SCAMP1: variants seen among roughly 807,000 people sequenced by gnomAD.
SCAMP1 encodes secretory carrier membrane protein 1.
Under a neutral mutation model 41.8 loss-of-function variants are expected in SCAMP1, and 15 were observed. The ratio of observed to expected loss-of-function variants is 0.36; its 90% CI spans 0.24 to 0.55. SCAMP1 has a LOEUF of 0.55. Among genes scored for constraint, SCAMP1 ranks in the 20% least tolerant of loss-of-function variants. The pLI is 0.86. For synonymous variants in SCAMP1, 135 were observed against 136.8 expected (o/e 0.99, Z 0.09); for missense variants, 341 against 412.6 (o/e 0.83, Z 1.50).
Position 78,478,248 on chromosome 5 carries a change from CAG to C in SCAMP1, c.*2583_*2584del. ...GTTTTGTATATTTATTGTATTAACA[CAG>C]AGTGTCATAAAATAAAATGCTGTTT... is the stretch of plus-strand genomic sequence containing the variant. On this transcript the variant is annotated 3_prime_UTR_variant, in exon 9 of 9. Transcript: ENST00000621999. The C allele has an allele frequency of 6.6e-6, 1 of 152,610 alleles. No homozygotes were observed. Among genetic ancestry groups the C allele is most frequent in the East Asian group, 1.9e-4 (1 of 5,190 alleles). 9.5% of individuals were successfully genotyped at this position (152,610 alleles called of 1,614,324 possible). A position where few individuals can be genotyped will look rare whatever the true frequency, so the allele number is the denominator to read the frequency against.
chr5:78,413,677 C>T (rs1752138467), intron 2 of SCAMP1, among the ~76,000 whole-genome samples: 1 of 152,192 alleles, frequency 6.6e-6, no homozygotes, highest in South Asian at 2.1e-4. Context: ...CTTGGCCTCC[C>T]AAAGTGCTGG....
chr5:78,363,916 G>C (rs1163691419), intron 1 of SCAMP1, among the ~76,000 whole-genome samples: 1 of 152,128 alleles, frequency 6.6e-6, no homozygotes, highest in East Asian at 1.9e-4. Flanking sequence ...AAGAAACTTG[G>C]AATAACTGGA....
intron 1 of SCAMP1, 77 bp from the exon 2 acceptor site, chr5:78,388,760 G>T: frequency 2.7e-6 from 2 of 742,674 alleles, no homozygotes; most frequent in Non-Finnish European, 4.5e-6. Flanking sequence ...TATAGATAAA[G>T]CAAATGGTAT....
At chr5:78,371,272 CAA>C (rs981257771) in intron 1 of SCAMP1, among the ~76,000 whole-genome samples, 3 of 152,118 alleles carry the variant, frequency 2.0e-5, no homozygotes, top group Admixed American at 1.3e-4. Context: ...ATGTTTTCTT[CAA>C]AGAGTTTTAT....
chr5:78,403,694 A>G (rs1751853864), intron 2 of SCAMP1, among the ~76,000 whole-genome samples: 1 of 152,130 alleles, frequency 6.6e-6, no homozygotes, highest in African/African-American at 2.4e-5. Context: ...AGCCTGGTGC[A>G]GTGGCTCACG....
chr5:78,360,739 G>A lies in SCAMP1; in HGVS notation c.57+11G>A, dbSNP rs370396974. The A allele has an allele frequency of 2.5e-6, 4 of 1,603,932 alleles. No individual in the cohort carries two copies. Among genetic ancestry groups the A allele is most frequent in the Admixed American group, 1.7e-5 (1 of 59,148 alleles). The stretch of plus-strand genomic sequence containing the variant: ...AACAATCCCTTCAAGGTGAGCTTCG[G>A]CCCCAGCATCTCCTGCCGCCGCGAC... On this transcript the variant is annotated intron_variant, in intron 1 of 8. Transcript: ENST00000621999.
In SCAMP1 at chr5:78,459,275, C is replaced by G. The variant is rs369489512; in HGVS notation, c.765C>G (p.Asn255Lys). Residue 255 changes from asparagine (N) to lysine (K), a missense_variant, in exon 8 of 9, where the codon AAC becomes AAG. Physicochemically the swap from Asn to Lys is moderately conservative, Grantham distance 94 (BLOSUM62 0). Transcript: ENST00000621999. ...CGWISSLTGL[N>K]QNIPVGIMMI... is the part of the protein sequence containing the mutation. ...GGATTTCATCCCTTACTGGTCTCAA[C>G]CAAAATATTCCTGTTGGAATCATGA... 3.1e-6 allele frequency: 5 copies of G among 1,602,626 alleles called. No homozygotes were observed. The highest frequency in any genetic ancestry group is 4.3e-6 in the Non-Finnish European group (5 of 1,170,762).
At chr5:78,378,742 A>G (rs1220315836) in intron 1 of SCAMP1, among the ~76,000 whole-genome samples, 3 of 152,366 alleles carry the variant, frequency 2.0e-5, no homozygotes, top group African/African-American at 4.8e-5. Flanking sequence ...TCAGATCCAC[A>G]TGATATTTAA....
intron 2 of SCAMP1, among the ~76,000 whole-genome samples, chr5:78,409,883 C>G (rs948312607): frequency 2.0e-5 from 3 of 152,034 alleles, no homozygotes; most frequent in African/African-American, 7.2e-5. Context: ...CTGTGTTTTT[C>G]CTGAAATATG....
In SCAMP1 at chr5:78,383,089, A is replaced by G. The variant is rs548818337; in HGVS notation, c.58-5748A>G. On this transcript the variant is annotated intron_variant, in intron 1 of 8. Coordinates refer to ENST00000621999, the MANE Select transcript of SCAMP1 (RefSeq NM_004866.6). ...AACAGTGTAAAAGTGTTCCCTTTTT[A>G]CCACATCCACACAAATATCTATTAT... Among the ~76,000 whole-genome samples the G allele has an allele frequency of 4.3e-4, 65 of 152,206 alleles. 1 individual carries two copies. Among genetic ancestry groups the G allele is most frequent in the African/African-American group, 1.5e-3 (61 of 41,532 alleles).
chr5:78,423,970 A>G (rs1561270246), intron 6 of SCAMP1, among the ~76,000 whole-genome samples: 1 of 151,614 alleles, frequency 6.6e-6, no homozygotes, highest in Non-Finnish European at 1.5e-5. Flanking sequence ...TCAGCCTCTC[A>G]GGTAGCTGGG....
intron 7 of SCAMP1, among the ~76,000 whole-genome samples, chr5:78,452,877 A>G (rs1358710275): frequency 6.7e-6 from 1 of 150,016 alleles, no homozygotes; most frequent in African/African-American, 2.5e-5. Flanking sequence ...AATGATCGCC[A>G]TTCTAACTGG....
chr5:78,400,873 A>G (rs1414870355), intron 2 of SCAMP1, among the ~76,000 whole-genome samples: 1 of 152,084 alleles, frequency 6.6e-6, no homozygotes, highest in East Asian at 1.9e-4. Context: ...CTTCTAGTAC[A>G]ATGTTGAAAA....
intron 1 of SCAMP1, among the ~76,000 whole-genome samples, chr5:78,384,976 A>AG (rs1030954285): frequency 3.9e-5 from 6 of 152,010 alleles, no homozygotes; most frequent in African/African-American, 1.2e-4. Context: ...AGAATGATTT[A>AG]GGGGGGGATT....
At chr5:78,405,484 A>C (rs1270722269) in intron 2 of SCAMP1, among the ~76,000 whole-genome samples, 1 of 152,134 alleles carries the variant, frequency 6.6e-6, no homozygotes, top group Non-Finnish European at 1.5e-5. Context: ...TCTTTGTTCA[A>C]ATATTGACTT....
rs1355509282 is a variant in SCAMP1, at chr5:78,456,310, C to T, written c.735-2935C>T. 7.9e-5 allele frequency among the ~76,000 whole-genome samples: 12 copies of T among 151,722 alleles called. 1 individual carries two copies. The highest frequency in any genetic ancestry group is 2.6e-4 in the Admixed American group (4 of 15,206). On this transcript the variant is annotated intron_variant, in intron 7 of 8. Coordinates refer to ENST00000621999, the MANE Select transcript of SCAMP1 (RefSeq NM_004866.6). ...GTCTTTACATTTTGGCATGATTTTG[C>T]AGCGGCTGGTACCGGTTGTTCTTTT...
intron 4 of SCAMP1, among the ~76,000 whole-genome samples, chr5:78,418,104 T>A (rs555520149): frequency 6.6e-6 from 1 of 152,308 alleles, no homozygotes; most frequent in South Asian, 2.1e-4. Flanking sequence ...TTTTTCCCTT[T>A]ACAGTTTGAA....
rs151019027 is a variant in SCAMP1, at chr5:78,401,794, G to A, written c.135+12880G>A. 3.4e-4 allele frequency among the ~76,000 whole-genome samples: 51 copies of A among 152,016 alleles called. No homozygotes were observed. In the East Asian group the frequency reaches 7.1e-3, roughly 21 times the overall value. ...TTTGAAAAAGCCAGGTTTTCATTTT[G>A]TTGATTTTTTTCTATTGATTTTCTG... On this transcript the variant is annotated intron_variant, in intron 2 of 8. Transcript: ENST00000621999.
intron 1 of SCAMP1, among the ~76,000 whole-genome samples, chr5:78,388,492 T>C (rs1024475893): frequency 6.6e-6 from 1 of 152,206 alleles, no homozygotes; most frequent in African/African-American, 2.4e-5. Context: ...ACGTGAACTC[T>C]TTGTCGAGGC....
Sources: gnomAD v4.1 joint callset for allele counts (sites outside exome capture counted in the v4.1 genomes callset) on GRCh38, gnomAD v4.1.1 for gene constraint, MANE v1.5 for transcripts, NCBI Gene and HGNC (gene_info 2026-07-23, HGNC 2026-07-21) for gene names.